The following THAP2 variants were observed in gnomAD, a reference collection of about 807,000 sequenced individuals.
THAP2 encodes THAP domain containing 2, also known as THAP domain-containing protein 2.
A neutral mutation model predicts 18.8 loss-of-function variants in THAP2; 16 were observed. The observed-to-expected ratio is 0.85, with a 90% CI of 0.58 to 1.29. The LOEUF (loss-of-function observed/expected upper bound fraction) is 1.29. THAP2 is among the 50% of genes most tolerant of loss of function. THAP2 has a pLI of 0.00. For missense variants in THAP2, 251 were observed against 265.3 expected (o/e 0.95, Z 0.38); for synonymous variants, 80 against 89.2 (o/e 0.90, Z 0.58).
chr12:71,671,566 G>A (rs111998126), intron 1 of THAP2, among the ~76,000 whole-genome samples: 8 of 152,106 alleles, frequency 5.3e-5, no homozygotes, highest in African/African-American at 1.9e-4. Context: ...AGACTGTGAG[G>A]TCATGCACAA....
In THAP2 at chr12:71,679,448, A is replaced by G. The variant is rs906408022; in HGVS notation, c.*2340A>G. ...ATTAAAATGCTGCTTTCAGTTTGAT[A>G]GTTTTTTTTTTAATCACTCTGACCA... On this transcript the variant is annotated 3_prime_UTR_variant, in exon 3 of 3. Transcript: ENST00000308086. 2.0e-5 allele frequency: 3 copies of G among 152,004 alleles called. No individual in the cohort carries two copies. The highest frequency in any genetic ancestry group is 2.1e-4 in the South Asian group (1 of 4,826). 9.4% of individuals were successfully genotyped at this position (152,004 alleles called of 1,614,324 possible). A position where few individuals can be genotyped will look rare whatever the true frequency, so the allele number is the denominator to read the frequency against.
At chr12:71,664,684 C>T in intron 1 of THAP2, 104 bp downstream of exon 1, 2 of 1,321,296 alleles carry the variant, frequency 1.5e-6, no homozygotes, top group Non-Finnish European at 2.2e-6. Flanking sequence ...ATAACTTTCC[C>T]AGCTGGTAGC....
intron 1 of THAP2, among the ~76,000 whole-genome samples, chr12:71,669,959 A>T (rs1881406389): frequency 6.7e-6 from 1 of 149,916 alleles, no homozygotes; most frequent in African/African-American, 2.4e-5. Context: ...CTCCGTCTCA[A>T]AAAAAAAAAA....
chr12:71,667,137 C>T (rs1457025891), intron 1 of THAP2, among the ~76,000 whole-genome samples: 2 of 152,212 alleles, frequency 1.3e-5, no homozygotes, highest in African/African-American at 4.8e-5. Context: ...CCCCAGTAAT[C>T]TTCTGAAATT....
intron 2 of THAP2, 95 bp downstream of exon 2, chr12:71,674,493 T>C (rs564656092): frequency 4.7e-6 from 6 of 1,270,762 alleles, no homozygotes; most frequent in African/African-American, 3.0e-5. Context: ...TATAGTGATA[T>C]GCCTCAAAAA....
chr12:71,676,840 A>C lies in THAP2; in HGVS notation c.419A>C (p.Lys140Thr). Residue 140 changes from lysine to threonine, a missense_variant, in exon 3 of 3, where the codon AAA becomes ACA. Transcript: ENST00000308086. ...NPMEAKKRII[K>T]LEKEIASLRR... is the part of the protein sequence containing the mutation. ...ATGGAGGCAAAAAAGAGGATCATTA[A>C]ACTGGAAAAAGAAATAGCAAGCTTA... 6.2e-7 allele frequency: 1 copy of C among 1,613,692 alleles called. No individual in the cohort carries two copies. Among genetic ancestry groups the C allele is most frequent in the Non-Finnish European group, 8.5e-7 (1 of 1,179,672 alleles).
At position 71,664,326 on chromosome 12, in the gene THAP2, G is replaced by A; in HGVS notation, c.-184G>A. On this transcript the variant is annotated 5_prime_UTR_variant, in exon 1 of 3. Transcript: ENST00000308086. Reference sequence around the variant, plus strand: ...AGTCGGCCATATTAATAAAGAGAAAGGGAAGGCTGACCGTCCTTCGCCTCC... The same window carrying A: ...AGTCGGCCATATTAATAAAGAGAAAAGGAAGGCTGACCGTCCTTCGCCTCC... 2 of 637,618 alleles carry A rather than the reference G, an allele frequency of 3.1e-6. No individual in the cohort carries two copies. The highest frequency in any genetic ancestry group is 3.8e-5 in the South Asian group (2 of 52,698). 39.5% of individuals were successfully genotyped at this position (637,618 alleles called of 1,614,324 possible).
intron 1 of THAP2, among the ~76,000 whole-genome samples, chr12:71,673,213 A>AT: frequency 6.6e-6 from 1 of 152,278 alleles, no homozygotes; most frequent in Non-Finnish European, 1.5e-5. Context: ...GTATGTGTAT[A>AT]TTTCATGGTA....
rs551655330 is a variant in THAP2, at chr12:71,664,702, C to T, written c.71+122C>T. The T allele has an allele frequency of 7.5e-6, 8 of 1,062,130 alleles. No individual in the cohort carries two copies. The East Asian group carries it at 2.0e-4, about 27-fold the overall frequency. 65.8% of individuals were successfully genotyped at this position (1,062,130 alleles called of 1,614,324 possible). ...ACTTTCCCAGCTGGTAGCAGGGAAG[C>T]ATCGTATGTCCTTTGTGTTTCTCAA... On this transcript the variant is annotated intron_variant, in intron 1 of 2. Transcript: ENST00000308086.
At chr12:71,673,987 AAAAT>A (rs539849784) in intron 1 of THAP2, among the ~76,000 whole-genome samples, 140 of 152,308 alleles carry the variant, frequency 9.2e-4, no homozygotes, top group Non-Finnish European at 1.6e-3. Flanking sequence ...AAAGCCCTGA[AAAAT>A]AAACGACTCA....
chr12:71,667,229 T>C (rs889921619), intron 1 of THAP2, among the ~76,000 whole-genome samples: 3 of 152,226 alleles, frequency 2.0e-5, no homozygotes, highest in Non-Finnish European at 4.4e-5. Flanking sequence ...ATACTCTCTA[T>C]GACACTAATT....
rs943767707 is a variant in THAP2 at position 71,678,947 on chromosome 12, T to C, written c.*1839T>C. The C allele has an allele frequency of 6.6e-6, 1 of 152,214 alleles. No homozygotes were observed. Among genetic ancestry groups the C allele is most frequent in the Admixed American group, 6.5e-5 (1 of 15,288 alleles). 9.4% of individuals were successfully genotyped at this position (152,214 alleles called of 1,614,324 possible). Reference sequence around the variant, plus strand: ...ATATTTATTTTTTTCTAGTATGGTTTCAAATAACTTTTTGCCAACATATAA... The same window carrying C: ...ATATTTATTTTTTTCTAGTATGGTTCCAAATAACTTTTTGCCAACATATAA... On this transcript the variant is annotated 3_prime_UTR_variant, in exon 3 of 3. Transcript: ENST00000308086.
chr12:71,664,946 G>C lies in THAP2; in HGVS notation c.71+366G>C, dbSNP rs1184287504. 3 of 702,166 alleles carry C rather than the reference G, an allele frequency of 4.3e-6. No individual in the cohort carries two copies. The African/African-American group carries it at 5.2e-5, about 12-fold the overall frequency. The allele number at this position is 702,166 out of a possible 1,614,324, so 43.5% of individuals were successfully genotyped here. ...AGCAATCACCGTAAAAGCCTGCTGT[G>C]TTCCCGTTAAAATTAGGAAATTCTC... On this transcript the variant is annotated intron_variant, in intron 1 of 2. Transcript: ENST00000308086.
chr12:71,672,199 C>T (rs1681593677), intron 1 of THAP2, among the ~76,000 whole-genome samples: 1 of 152,120 alleles, frequency 6.6e-6, no homozygotes, highest in Admixed American at 6.5e-5. Context: ...GGCACTTTTG[C>T]CTGCATCAGA....
chr12:71,667,228 A>C (rs567877139), intron 1 of THAP2, among the ~76,000 whole-genome samples: 2 of 152,156 alleles, frequency 1.3e-5, no homozygotes, highest in South Asian at 2.1e-4. Flanking sequence ...AATACTCTCT[A>C]TGACACTAAT....
Position 71,664,468 on chromosome 12 carries a change from C to G in THAP2, c.-42C>G. 1.9e-6 allele frequency: 3 copies of G among 1,613,454 alleles called. No homozygotes were observed. Among genetic ancestry groups the G allele is most frequent in the Admixed American group, 1.7e-5 (1 of 60,030 alleles). Reference sequence around the variant, plus strand: ...CAGAAGAAAGCTTAGCAGCCAGCGCCTCAGTAGAGACCTAAGGGCGCTGAA... The same window carrying G: ...CAGAAGAAAGCTTAGCAGCCAGCGCGTCAGTAGAGACCTAAGGGCGCTGAA... On this transcript the variant is annotated 5_prime_UTR_variant, in exon 1 of 3. Transcript: ENST00000308086.
At position 71,677,071 on chromosome 12, in the gene THAP2, GTCTAAA is replaced by G; in HGVS notation, c.657_662del (p.Asn219_Leu220del). On this transcript the variant is annotated inframe_deletion, in exon 3 of 3. Transcript: ENST00000308086. ...GATCAACAAGATAAAACACTGCTAAGTCTAAATCTAAAACAGACCAAGAGTACCTTC... is the reference window on the plus strand; with the variant it reads ...GATCAACAAGATAAAACACTGCTAAGTCTAAAACAGACCAAGAGTACCTTC... 6.2e-7 allele frequency: 1 copy of G among 1,610,010 alleles called. No homozygotes were observed. Among genetic ancestry groups the G allele is most frequent in the Non-Finnish European group, 8.5e-7 (1 of 1,177,782 alleles).
Position 71,679,363 on chromosome 12 carries a change from A to G in THAP2, c.*2255A>G, listed in dbSNP as rs1282659742. On this transcript the variant is annotated 3_prime_UTR_variant, in exon 3 of 3. Transcript: ENST00000308086. The stretch of plus-strand genomic sequence containing the variant: ...CTCTTTGCATCAAATTGTTTTATTA[A>G]CATACATTTGTCTACCTTAAAACTA... 6.6e-6 allele frequency: 1 copy of G among 152,164 alleles called. No homozygotes were observed. The highest frequency in any genetic ancestry group is 6.5e-5 in the Admixed American group (1 of 15,280). 9.4% of individuals were successfully genotyped at this position (152,164 alleles called of 1,614,324 possible).
In THAP2 at chr12:71,679,800, C is replaced by T. The variant is rs1342508225; in HGVS notation, c.*2692C>T. On this transcript the variant is annotated 3_prime_UTR_variant, in exon 3 of 3. Transcript: ENST00000308086. ...ATAATCAAATGCTTTTGTCTTGAAA[C>T]AAAACAGATTCCTCCTTATATTGAC... 6.6e-6 allele frequency: 1 copy of T among 152,066 alleles called. No individual in the cohort carries two copies. Among genetic ancestry groups the T allele is most frequent in the Non-Finnish European group, 1.5e-5 (1 of 67,974 alleles). The allele number at this position is 152,066 out of a possible 1,614,324, so 9.4% of individuals were successfully genotyped here.
Sources: gnomAD v4.1 joint callset for allele counts (sites outside exome capture counted in the v4.1 genomes callset) on GRCh38, gnomAD v4.1.1 for gene constraint, MANE v1.5 for transcripts, NCBI Gene and HGNC (gene_info 2026-07-23, HGNC 2026-07-21) for gene names.